STPG2: variants seen among roughly 807,000 people sequenced by gnomAD.
STPG2 encodes sperm tail PG-rich repeat containing 2, also known as sperm-tail PG-rich repeat-containing protein 2.
In STPG2, 56 loss-of-function variants were observed where a neutral mutation model predicts 54.2. That is an observed-to-expected ratio of 1.03 (90% CI 0.83 to 1.29). The LOEUF (loss-of-function observed/expected upper bound fraction) is 1.29, where lower values mean the gene tolerates loss of function less well. STPG2 is among the 50% of genes most tolerant of loss of function. The pLI, the probability that STPG2 is intolerant of heterozygous loss-of-function variation, is 0.00. For synonymous variants in STPG2, 200 were observed against 181.8 expected (o/e 1.10, Z -0.81); for missense variants, 596 against 544.9 (o/e 1.09, Z -0.93).
chr4:97,740,998 A>C lies in STPG2; in HGVS notation c.1205-28184T>G, dbSNP rs571158742. Among the ~76,000 whole-genome samples the C allele has an allele frequency of 2.0e-4, 31 of 152,276 alleles. No individual in the cohort carries two copies. In the East Asian group the frequency reaches 2.3e-3, roughly 11 times the overall value. On this transcript the variant is annotated intron_variant, in intron 9 of 10. Coordinates refer to ENST00000295268, the MANE Select transcript of STPG2 (RefSeq NM_174952.3). Reference sequence around the variant, plus strand: ...ACTACAGTAACCAAAACAGCATGGTACTGGTACCAAACAGAGATATAGATC... The same window carrying C: ...ACTACAGTAACCAAAACAGCATGGTCCTGGTACCAAACAGAGATATAGATC...
intron 10 of STPG2, among the ~76,000 whole-genome samples, chr4:97,561,022 C>G (rs902216938): frequency 6.6e-6 from 1 of 152,118 alleles, no homozygotes; most frequent in Non-Finnish European, 1.5e-5. Flanking sequence ...TGAGGAGTCG[C>G]CACACTGACT....
At chr4:98,030,390 T>C (rs992404232) in intron 5 of STPG2, among the ~76,000 whole-genome samples, 2 of 152,198 alleles carry the variant, frequency 1.3e-5, no homozygotes, top group African/African-American at 4.8e-5. Context: ...TCCCCAGAAA[T>C]TCAGTATTGT....
intron 9 of STPG2, among the ~76,000 whole-genome samples, chr4:97,750,912 TGTCTTTCCTTCCTCCATGA>T (rs1314734961): frequency 2.6e-5 from 4 of 151,792 alleles, no homozygotes; most frequent in African/African-American, 9.7e-5. Context: ...ACTTTCACCA[TGTCTTTCCTTCCTCCATGA>T]GAAAAATAAT....
chr4:97,921,100 T>C (rs149790236), intron 8 of STPG2, among the ~76,000 whole-genome samples: 2 of 152,228 alleles, frequency 1.3e-5, no homozygotes, highest in African/African-American at 2.4e-5. Flanking sequence ...CCGGTTTACA[T>C]TATTTGTGTC....
At chr4:97,555,107 A>G (rs1020611711), downstream of STPG2, among the ~76,000 whole-genome samples, 3 of 152,164 alleles carry the variant, frequency 2.0e-5, no homozygotes, top group African/African-American at 7.2e-5. Context: ...TTAAATTTTT[A>G]AAACATACTT....
intron 8 of STPG2, among the ~76,000 whole-genome samples, chr4:97,866,941 C>G (rs1729809397): frequency 6.6e-6 from 1 of 151,928 alleles, no homozygotes; most frequent in Non-Finnish European, 1.5e-5. Context: ...GCTTCCTGAT[C>G]AAGCAGCAGT....
intron 8 of STPG2, among the ~76,000 whole-genome samples, chr4:97,873,559 G>A (rs985242520): frequency 6.6e-6 from 1 of 150,998 alleles, no homozygotes; most frequent in African/African-American, 2.4e-5. Context: ...CTTTTAATAT[G>A]TAATGTTGTA....
intron 4 of STPG2, among the ~76,000 whole-genome samples, chr4:97,525,113 C>A (rs990708718): frequency 6.6e-6 from 1 of 151,844 alleles, no homozygotes; most frequent in Non-Finnish European, 1.5e-5. Flanking sequence ...AACATTTGGA[C>A]CACTCTAGCA....
intron 4 of STPG2, among the ~76,000 whole-genome samples, chr4:97,515,026 A>G (rs917800798): frequency 1.3e-5 from 2 of 152,116 alleles, no homozygotes; most frequent in Non-Finnish European, 1.5e-5. Flanking sequence ...ACTTTTGACA[A>G]AATCAAAAAT....
chr4:97,990,899 G>A (rs891476990), intron 5 of STPG2, among the ~76,000 whole-genome samples: 1 of 152,114 alleles, frequency 6.6e-6, no homozygotes, highest in African/African-American at 2.4e-5. Flanking sequence ...ACCATAATCA[G>A]TAATGATTAT....
At chr4:98,024,622 AC>A (rs1377390702) in intron 5 of STPG2, among the ~76,000 whole-genome samples, 1 of 152,094 alleles carries the variant, frequency 6.6e-6, no homozygotes, top group African/African-American at 2.4e-5. Context: ...ACAAGAATAA[AC>A]CAAAGTATCT....
At chr4:97,494,334 T>C (rs1730563236) in intron 4 of STPG2, among the ~76,000 whole-genome samples, 1 of 151,464 alleles carries the variant, frequency 6.6e-6, no homozygotes, top group Admixed American at 6.6e-5. Context: ...AACATTTACT[T>C]AGTGGGAAGA....
chr4:98,036,672 G>C (rs1402396493), intron 5 of STPG2, among the ~76,000 whole-genome samples: 1 of 151,554 alleles, frequency 6.6e-6, no homozygotes, highest in Admixed American at 6.6e-5. Flanking sequence ...AGGGTGGGAA[G>C]AGGGAGAGGA....
intron 4 of STPG2, among the ~76,000 whole-genome samples, chr4:97,487,231 A>C (rs1483536841): frequency 6.6e-6 from 1 of 151,410 alleles, no homozygotes; most frequent in Non-Finnish European, 1.5e-5. Context: ...AAGACTACAT[A>C]TGGTATTATT....
chr4:97,644,590 G>A (rs750892809), intron 10 of STPG2, among the ~76,000 whole-genome samples: 2 of 151,928 alleles, frequency 1.3e-5, no homozygotes, highest in African/African-American at 2.4e-5. Context: ...AGCAAACATC[G>A]CATGGCTCTA....
intron 9 of STPG2, among the ~76,000 whole-genome samples, chr4:97,722,516 G>A (rs1158364124): frequency 6.6e-6 from 1 of 151,894 alleles, no homozygotes; most frequent in African/African-American, 2.4e-5. Context: ...GTGTCTGTTA[G>A]AATAATTGTC....
intron 10 of STPG2, among the ~76,000 whole-genome samples, chr4:97,591,928 T>C (rs761503720): frequency 6.6e-6 from 1 of 152,222 alleles, no homozygotes; most frequent in Non-Finnish European, 1.5e-5. Context: ...GTACATAGTA[T>C]ATCTTTGAAA....
chr4:97,842,119 C>T (rs1728819264), intron 8 of STPG2, among the ~76,000 whole-genome samples: 1 of 151,822 alleles, frequency 6.6e-6, no homozygotes, highest in South Asian at 2.1e-4. Context: ...TTATCACCCT[C>T]AAGCATATGC....
chr4:97,712,902 A>G (rs897891894), intron 9 of STPG2, 88 bp from the exon 10 acceptor site: 1 of 785,966 alleles, frequency 1.3e-6, no homozygotes, highest in Non-Finnish European at 1.9e-6. Flanking sequence ...TGTGCTCTTA[A>G]TGTATAAAAT....
Sources: allele counts gnomAD v4.1 joint callset (sites outside exome capture counted in the v4.1 genomes callset), GRCh38; gene constraint gnomAD v4.1.1; transcripts MANE v1.5; gene names NCBI Gene and HGNC (gene_info 2026-07-23, HGNC 2026-07-21).